MTUS2: variants seen among roughly 807,000 people sequenced by gnomAD.
MTUS2 encodes the protein microtubule associated scaffold protein 2.
In MTUS2, 40 loss-of-function variants were observed where a neutral mutation model predicts 114.1. That is an observed-to-expected ratio of 0.35 (90% CI 0.27 to 0.46). The LOEUF (loss-of-function observed/expected upper bound fraction) is 0.46. Among genes scored for constraint, MTUS2 ranks in the 20% least tolerant of loss-of-function variants. The pLI is 1.00. For missense variants in MTUS2, 1,679 were observed against 1,705.4 expected, an observed-to-expected ratio of 0.98 and a Z score of 0.27; for synonymous variants, 688 against 672.0, an observed-to-expected ratio of 1.02 and a Z score of -0.37.
intron 7 of MTUS2, among the ~76,000 whole-genome samples, chr13:29,355,846 T>G (rs1869693143): frequency 1.3e-5 from 2 of 152,200 alleles, no homozygotes; most frequent in African/African-American, 2.4e-5. Context: ...GGCCAGTCAG[T>G]AAGAAATTGG....
intron 14 of MTUS2, 59 bp downstream of exon 14, chr13:29,498,596 G>A (rs1882702975): frequency 8.1e-6 from 13 of 1,604,894 alleles, no homozygotes; most frequent in Non-Finnish European, 1.1e-5. Flanking sequence ...TGTCATCACT[G>A]ATGTCATCGT....
intron 8 of MTUS2, among the ~76,000 whole-genome samples, chr13:29,366,349 A>G (rs1420071533): frequency 6.6e-6 from 1 of 152,142 alleles, no homozygotes; most frequent in African/African-American, 2.4e-5. Context: ...CAAGAATGGC[A>G]TGGGAAAGAC....
At chr13:29,098,610 C>T (rs1409028653) in intron 4 of MTUS2, among the ~76,000 whole-genome samples, 1 of 152,124 alleles carries the variant, frequency 6.6e-6, no homozygotes, top group African/African-American at 2.4e-5. Flanking sequence ...GCTGCTTGTC[C>T]TCCCCGTCTC....
chr13:28,832,118 A>T (rs1457190453), intron 1 of MTUS2, among the ~76,000 whole-genome samples: 1 of 152,152 alleles, frequency 6.6e-6, no homozygotes, highest in African/African-American at 2.4e-5. Context: ...TTTCTTGCTG[A>T]AGATCAGCAA....
intron 8 of MTUS2, among the ~76,000 whole-genome samples, chr13:29,426,965 A>G (rs373961861): frequency 1.1e-4 from 16 of 152,314 alleles, no homozygotes; most frequent in Middle Eastern, 3.4e-3. Context: ...CAAAAGCCCT[A>G]GGAACAGCTT....
intron 7 of MTUS2, among the ~76,000 whole-genome samples, chr13:29,345,530 A>T (rs911482413): frequency 6.6e-6 from 1 of 151,400 alleles, no homozygotes; most frequent in Admixed American, 6.6e-5. Flanking sequence ...TTATTTATTT[A>T]TGCTGTTTCT....
At chr13:29,366,709 T>C (rs535347327) in intron 8 of MTUS2, among the ~76,000 whole-genome samples, 64 of 152,314 alleles carry the variant, frequency 4.2e-4, no homozygotes, top group African/African-American at 1.4e-3. Flanking sequence ...ATCTGAATCA[T>C]GAGTCTGTTT....
At chr13:29,190,246 A>C (rs1894392107) in intron 5 of MTUS2, among the ~76,000 whole-genome samples, 1 of 152,234 alleles carries the variant, frequency 6.6e-6, no homozygotes, top group African/African-American at 2.4e-5. Flanking sequence ...TAACACTGGG[A>C]ATACTGTGTA....
rs577598710 is a variant in MTUS2, at chr13:29,160,531, G to A, written c.2644+59561G>A. Among the ~76,000 whole-genome samples, 20 of 152,310 alleles carry A rather than the reference G, an allele frequency of 1.3e-4. 1 individual carries two copies. Among genetic ancestry groups the A allele is most frequent in the Non-Finnish European group, 2.8e-4 (19 of 68,024 alleles). On this transcript the variant is annotated intron_variant, in intron 5 of 15. Coordinates refer to ENST00000612955, the MANE Select transcript of MTUS2 (RefSeq NM_001033602.4). ...CACGCCTATAATCCCAGCACTTTGG[G>A]AGGCCGAGGCCGGCAGATCATGAGG... is the stretch of plus-strand genomic sequence containing the variant.
chr13:29,489,147 C>T (rs899706436), intron 11 of MTUS2, among the ~76,000 whole-genome samples: 8 of 151,938 alleles, frequency 5.3e-5, no homozygotes, highest in Admixed American at 2.0e-4. Context: ...TAGCCAGGCG[C>T]GGTGGGCTGG....
intron 2 of MTUS2, among the ~76,000 whole-genome samples, chr13:28,996,260 G>A (rs1315709032): frequency 6.6e-6 from 1 of 152,168 alleles, no homozygotes; most frequent in Non-Finnish European, 1.5e-5. Context: ...ACTTGATCAT[G>A]GTGGATAAGC....
chr13:29,140,222 TGAA>T (rs1892161362), intron 5 of MTUS2, among the ~76,000 whole-genome samples: 1 of 152,208 alleles, frequency 6.6e-6, no homozygotes, highest in Non-Finnish European at 1.5e-5. Context: ...TAGGAATAAA[TGAA>T]GAAAAACGTT....
At chr13:28,914,945 G>A (rs1327750063) in intron 2 of MTUS2, among the ~76,000 whole-genome samples, 2 of 151,458 alleles carry the variant, frequency 1.3e-5, no homozygotes, top group African/African-American at 4.9e-5. Context: ...CATTTACTAG[G>A]TAAATTTCCT....
At chr13:28,918,956 A>T (rs1880895335) in intron 2 of MTUS2, among the ~76,000 whole-genome samples, 1 of 151,972 alleles carries the variant, frequency 6.6e-6, no homozygotes, top group Non-Finnish European at 1.5e-5. Flanking sequence ...GAAAACTAAT[A>T]AAAAACTTTA....
At chr13:29,385,448 G>A (rs750550732) in intron 8 of MTUS2, among the ~76,000 whole-genome samples, 166 of 152,202 alleles carry the variant, frequency 1.1e-3, no homozygotes, top group Non-Finnish European at 1.7e-3. Flanking sequence ...TCCATGGAAG[G>A]AAGCAATTAG....
intron 2 of MTUS2, among the ~76,000 whole-genome samples, chr13:28,901,006 A>G (rs1243244988): frequency 1.3e-5 from 2 of 152,190 alleles, no homozygotes; most frequent in Admixed American, 6.5e-5. Context: ...CCCACAGTAC[A>G]AGTGAACCTG....
chr13:29,429,713 A>G (rs114403280), intron 8 of MTUS2, among the ~76,000 whole-genome samples: 275 of 152,338 alleles, frequency 1.8e-3, no homozygotes, highest in African/African-American at 6.2e-3. Flanking sequence ...TTTCTACAAG[A>G]TGCATGAAAT....
At chr13:29,416,484 A>ATATATATAGCACATAT (rs1875679769) in intron 8 of MTUS2, among the ~76,000 whole-genome samples, 2 of 150,986 alleles carry the variant, frequency 1.3e-5, no homozygotes, top group South Asian at 4.1e-4. Flanking sequence ...TGTATAGCAT[A>ATATATATAGCACATAT]TATATATAGC....
At chr13:29,422,075 T>A (rs1456378584) in intron 8 of MTUS2, among the ~76,000 whole-genome samples, 3 of 152,208 alleles carry the variant, frequency 2.0e-5, no homozygotes, top group African/African-American at 7.2e-5. Flanking sequence ...CAATTCCATT[T>A]ATATGTCTGA....
Sources: gnomAD v4.1 joint callset for allele counts (sites outside exome capture counted in the v4.1 genomes callset) on GRCh38, gnomAD v4.1.1 for gene constraint, MANE v1.5 for transcripts, NCBI Gene and HGNC (gene_info 2026-07-23, HGNC 2026-07-21) for gene names.